CUL2: variants seen among roughly 807,000 people sequenced by gnomAD.
CUL2 encodes cullin 2, also known as cullin-2.
A neutral mutation model predicts 110.2 loss-of-function variants in CUL2; 22 were observed. The ratio of observed to expected loss-of-function variants is 0.20; its 90% confidence interval spans 0.14 to 0.28. The LOEUF is 0.28. Ranked by LOEUF, CUL2 falls within the 10% of genes least tolerant of loss-of-function variation. CUL2 has a pLI of 1.00. For synonymous variants in CUL2, 279 were observed against 293.2 expected (o/e 0.95, Z 0.49); for missense variants, 631 against 905.5 (o/e 0.70, Z 3.89).
intron 1 of CUL2, chr10:35,079,457 A>T (rs2505631): frequency 0.59 from 89,610 of 152,498 alleles, 27,149 homozygotes; most frequent in East Asian, 0.68. Context: ...AATAGGCTCA[A>T]TGCTTTCTGG....
At chr10:35,126,181 G>A (rs1377462787) in intron 1 of CUL2, among the ~76,000 whole-genome samples, 6 of 152,120 alleles carry the variant, frequency 3.9e-5, no homozygotes, top group Non-Finnish European at 8.8e-5. Flanking sequence ...CTGGTCTCCT[G>A]GGCTCAAGCG....
intron 1 of CUL2, among the ~76,000 whole-genome samples, chr10:35,080,884 G>C (rs556338291): frequency 9.7e-4 from 148 of 152,208 alleles, no homozygotes; most frequent in African/African-American, 3.4e-3. Flanking sequence ...GACACGGTGG[G>C]GAGTAGGGAA....
chr10:35,096,830 G>A (rs1424819683), intron 2 of CUL2, among the ~76,000 whole-genome samples: 1 of 138,018 alleles, frequency 7.2e-6, no homozygotes, highest in East Asian at 2.1e-4. Context: ...TTTTTTTTGA[G>A]ATGGAGTTTC....
intron 1 of CUL2, among the ~76,000 whole-genome samples, chr10:35,086,878 CAAAGT>C (rs777713390): frequency 3.9e-5 from 6 of 152,162 alleles, no homozygotes; most frequent in Non-Finnish European, 7.4e-5. Flanking sequence ...ATACAAATGT[CAAAGT>C]AAAGTGTACT....
At position 35,107,155 on chromosome 10, in the gene CUL2, C is replaced by T. The variant is rs528388416; in HGVS notation, c.-50-6095G>A. Among the ~76,000 whole-genome samples, 35 of 151,700 alleles carry T rather than the reference C, an allele frequency of 2.3e-4. No homozygotes were observed. The South Asian group carries it at 6.3e-3, about 27-fold the overall frequency. ...GTGCCCGGCTAATTTTTTGTATTTT[C>T]AGTAGAGACGGGGTTTCACTGTGTT... On this transcript the variant is annotated intron_variant, in intron 1 of 5. Coordinates refer to the CUL2 transcript ENST00000685421.
intron 8 of CUL2, among the ~76,000 whole-genome samples, chr10:35,044,362 G>A (rs1023720590): frequency 6.6e-6 from 1 of 152,038 alleles, no homozygotes; most frequent in Non-Finnish European, 1.5e-5. Flanking sequence ...CAATTATGAT[G>A]AAAACTGGAA....
At chr10:35,020,594 G>GT (rs577759721) in intron 17 of CUL2, among the ~76,000 whole-genome samples, 7 of 152,030 alleles carry the variant, frequency 4.6e-5, no homozygotes, top group East Asian at 1.9e-4. Context: ...GTCTGGTGAA[G>GT]TTTTTTTTAT....
At chr10:35,062,860 A>G in intron 3 of CUL2, 100 bp downstream of exon 3, 4 of 707,598 alleles carry the variant, frequency 5.7e-6, no homozygotes, top group South Asian at 1.9e-5. Context: ...AGCAGCAGCA[A>G]AACAAGCTGA....
At chr10:35,105,405 G>A (rs1214335863) in intron 1 of CUL2, among the ~76,000 whole-genome samples, 3 of 150,788 alleles carry the variant, frequency 2.0e-5, no homozygotes, top group Admixed American at 1.3e-4. Flanking sequence ...CAGCCTGGGC[G>A]ACAGGGAGAG....
At chr10:35,033,496 G>C (rs780574118) in intron 10 of CUL2, among the ~76,000 whole-genome samples, 11 of 152,128 alleles carry the variant, frequency 7.2e-5, no homozygotes, top group Non-Finnish European at 1.3e-4. Context: ...AGCACTTCTG[G>C]GAGGCTGAGG....
chr10:35,124,297 G>A (rs1219887365), intron 1 of CUL2, among the ~76,000 whole-genome samples: 7 of 152,106 alleles, frequency 4.6e-5, no homozygotes, highest in South Asian at 2.1e-4. Flanking sequence ...TCAGAAAGGC[G>A]ACAGACAAGT....
At chr10:35,058,706 G>A (rs1215791233) in intron 4 of CUL2, among the ~76,000 whole-genome samples, 1 of 152,132 alleles carries the variant, frequency 6.6e-6, no homozygotes, top group African/African-American at 2.4e-5. Context: ...GCATTAATTA[G>A]TCTCACAAGT....
intron 2 of CUL2, among the ~76,000 whole-genome samples, chr10:35,100,389 A>G (rs892888551): frequency 6.6e-6 from 1 of 152,172 alleles, no homozygotes; most frequent in African/African-American, 2.4e-5. Flanking sequence ...CATTTCTCTT[A>G]TTAGAAAAGA....
intron 1 of CUL2, among the ~76,000 whole-genome samples, chr10:35,078,658 AC>A (rs2086879567): frequency 6.6e-6 from 1 of 152,296 alleles, no homozygotes; most frequent in East Asian, 1.9e-4. Flanking sequence ...GAGCAAAAAA[AC>A]AATTTAGATA....
intron 8 of CUL2, among the ~76,000 whole-genome samples, chr10:35,041,825 C>A (rs573403569): frequency 2.0e-5 from 3 of 152,296 alleles, no homozygotes; most frequent in Non-Finnish European, 4.4e-5. Context: ...GTCTGAGCCA[C>A]CGTGCCCAGC....
intron 1 of CUL2, among the ~76,000 whole-genome samples, chr10:35,101,813 C>T (rs578035515): frequency 9.4e-4 from 143 of 152,330 alleles, no homozygotes; most frequent in African/African-American, 3.0e-3. Context: ...AGCTTGTGCT[C>T]GGCTCCCTGC....
intron 2 of CUL2, among the ~76,000 whole-genome samples, chr10:35,096,512 C>T (rs143277896): frequency 1.4e-3 from 208 of 152,156 alleles, no homozygotes; most frequent in Middle Eastern, 6.8e-3. Flanking sequence ...ACTCTGGAGG[C>T]TGAAATGGGA....
intron 1 of CUL2, chr10:35,089,920 G>A (rs1181194247): frequency 6.6e-6 from 1 of 152,312 alleles, no homozygotes; most frequent in East Asian, 1.9e-4. Flanking sequence ...AGGAAAATGG[G>A]GCCGCGGGAG....
At chr10:35,113,737 C>T (rs959471864) in intron 1 of CUL2, among the ~76,000 whole-genome samples, 3 of 150,994 alleles carry the variant, frequency 2.0e-5, no homozygotes, top group Non-Finnish European at 4.4e-5. Flanking sequence ...GACGGAGTTT[C>T]GCTCTGTCAC....
Sources: gnomAD v4.1 joint callset for allele counts (sites outside exome capture counted in the v4.1 genomes callset) on GRCh38, gnomAD v4.1.1 for gene constraint, MANE v1.5 for transcripts, NCBI Gene and HGNC (gene_info 2026-07-23, HGNC 2026-07-21) for gene names.